MX2: variants seen among roughly 807,000 people sequenced by gnomAD.
MX2 encodes the protein MX dynamin like GTPase 2.
A neutral mutation model predicts 74.0 loss-of-function variants in MX2; 51 were observed. The observed-to-expected ratio is 0.69, with a 90% CI of 0.55 to 0.87. MX2 has a LOEUF of 0.87. Among genes scored for constraint, MX2 ranks in the 40% least tolerant of loss-of-function variants. The probability of loss-of-function intolerance (pLI) is 0.00; values close to 1 mark genes in which losing one functional copy is unlikely to be tolerated. For synonymous variants in MX2, 369 were observed against 339.3 expected, an observed-to-expected ratio of 1.09 and a Z score of -0.96; for missense variants, 832 against 908.7, an observed-to-expected ratio of 0.92 and a Z score of 1.09.
intron 5 of MX2, chr21:41,390,352 CG>C (rs1416325863): frequency 3.5e-6 from 2 of 568,406 alleles, no homozygotes; most frequent in Non-Finnish European, 6.3e-6. Context: ...ACATGCCAGC[CG>C]TGGGCTTTGA....
chr21:41,399,347 G>A lies in MX2; in HGVS notation c.1414+10G>A. 6.2e-7 allele frequency: 1 copy of A among 1,612,550 alleles called. No individual in the cohort carries two copies. The highest frequency in any genetic ancestry group is 1.1e-5 in the South Asian group (1 of 90,940). On this transcript the variant is annotated intron_variant, in intron 10 of 13. Coordinates refer to ENST00000330714, the MANE Select transcript of MX2 (RefSeq NM_002463.2). The stretch of plus-strand genomic sequence containing the variant: ...ACTAATACCCAAAAAGGTAAGTTCT[G>A]GGCAGGGCTCCCTGCAAAACAGGGT...
In MX2 at chr21:41,408,237, G is replaced by A; in HGVS notation, c.*4G>A. ...CTCCAGCAAAGAGATCCACTGAAGG[G>A]CGGCGATGCCTGTGGTTGTTTTCTT... On this transcript the variant is annotated 3_prime_UTR_variant, in exon 14 of 14. Coordinates refer to ENST00000330714, the MANE Select transcript of MX2 (RefSeq NM_002463.2). 1 of 1,613,416 alleles carries A rather than the reference G, an allele frequency of 6.2e-7. No homozygotes were observed. Among genetic ancestry groups the A allele is most frequent in the Non-Finnish European group, 8.5e-7 (1 of 1,179,420 alleles).
At chr21:41,395,992 G>T (rs1471764740) in intron 7 of MX2, among the ~76,000 whole-genome samples, 1 of 152,180 alleles carries the variant, frequency 6.6e-6, no homozygotes, top group Non-Finnish European at 1.5e-5. Flanking sequence ...TTAAAAACTG[G>T]AATGTGTCAT....
rs1399955723 is a variant in MX2 at position 41,408,513 on chromosome 21, CG to C, written c.*281del. 14 of 387,380 alleles carry C rather than the reference CG, an allele frequency of 3.6e-5. No homozygotes were observed. The highest frequency in any genetic ancestry group is 2.9e-4 in the African/African-American group (14 of 48,744). The allele number at this position is 387,380 out of a possible 1,614,324, so 24.0% of individuals were successfully genotyped here. ...GTCCTAAGATACTGCTATCATTCTTCGCTAATTTGTATTTGTATTCCCTTCC... is the reference window on the plus strand; with the variant it reads ...GTCCTAAGATACTGCTATCATTCTTCCTAATTTGTATTTGTATTCCCTTCC... On this transcript the variant is annotated 3_prime_UTR_variant, in exon 14 of 14. Transcript: ENST00000330714.
At chr21:41,379,872 C>A (rs2089464116) in intron 3 of MX2, 145 bp from the exon 4 acceptor site, 2 of 1,017,468 alleles carry the variant, frequency 2.0e-6, no homozygotes, top group Non-Finnish European at 2.9e-6. Context: ...TCAGTCCAGA[C>A]CCCCTCACCT....
At chr21:41,393,548 C>T (rs1235173117) in intron 6 of MX2, among the ~76,000 whole-genome samples, 6 of 152,080 alleles carry the variant, frequency 3.9e-5, no homozygotes, top group Admixed American at 6.5e-5. Flanking sequence ...GGGTCGCTTC[C>T]GTCACTGGCC....
chr21:41,387,301 C>T (rs1293644084), intron 5 of MX2, among the ~76,000 whole-genome samples: 2 of 152,112 alleles, frequency 1.3e-5, no homozygotes, highest in Non-Finnish European at 1.5e-5. Context: ...ATGTGAAAGC[C>T]GATTAATGCT....
intron 1 of MX2, among the ~76,000 whole-genome samples, chr21:41,372,534 T>A (rs1054450598): frequency 6.6e-6 from 1 of 152,250 alleles, no homozygotes; most frequent in Non-Finnish European, 1.5e-5. Flanking sequence ...AGCTATTTTT[T>A]TTTAACATGA....
Position 41,408,377 on chromosome 21 carries a change from C to A in MX2, c.*144C>A. 8.7e-7 allele frequency: 1 copy of A among 1,148,110 alleles called. No homozygotes were observed. The highest frequency in any genetic ancestry group is 1.2e-6 in the Non-Finnish European group (1 of 828,186). The allele number at this position is 1,148,110 out of a possible 1,614,324, so 71.1% of individuals were successfully genotyped here. A position where few individuals can be genotyped will look rare whatever the true frequency, so the allele number is the denominator to read the frequency against. ...CTACTGTACTCCCTCAGCATCAGAG[C>A]ATGCATCAGGGGTCCACACAGGCTC... On this transcript the variant is annotated 3_prime_UTR_variant, in exon 14 of 14. Transcript: ENST00000330714.
At position 41,388,423 on chromosome 21, in the gene MX2, C is replaced by T. The variant is rs533982509; in HGVS notation, c.733-2142C>T. On this transcript the variant is annotated intron_variant, in intron 5 of 13. Transcript: ENST00000330714. This position sits in a 1 kb window ranked among gnomAD's most constrained non-coding sequence, Gnocchi z 4.0. ...CCGGTGCTCTGCCCGCATGGCTCTC[C>T]GCAGAGGGCATCCTTCATTCCTCGC... 1.3e-5 allele frequency among the ~76,000 whole-genome samples: 2 copies of T among 152,334 alleles called. No individual in the cohort carries two copies. Among genetic ancestry groups the T allele is most frequent in the South Asian group, 2.1e-4 (1 of 4,828 alleles).
Position 41,403,111 on chromosome 21 carries a change from C to A in MX2, c.1574-156C>A, listed in dbSNP as rs1601433755. ...GTGTGGCCCTGGAATGATGTCCCAC[C>A]CTCTCCTATCGCGGTTTGCAGGTCT... On this transcript the variant is annotated intron_variant, in intron 11 of 13. Transcript: ENST00000330714. The A allele has an allele frequency of 8.2e-6, 5 of 608,308 alleles. No individual in the cohort carries two copies. The Middle Eastern group carries it at 1.8e-3, about 219-fold the overall frequency. 37.7% of individuals were successfully genotyped at this position (608,308 alleles called of 1,614,324 possible).
chr21:41,385,150 A>G (rs1213404809), intron 5 of MX2, among the ~76,000 whole-genome samples: 6 of 152,196 alleles, frequency 3.9e-5, no homozygotes, highest in Admixed American at 3.9e-4. Flanking sequence ...TTTGTATTCA[A>G]CACTTAGCTA....
chr21:41,397,646 C>G lies in MX2; in HGVS notation c.1104C>G (p.Pro368=). 3 of 1,614,096 alleles carry G rather than the reference C, an allele frequency of 1.9e-6. No homozygotes were observed. In the South Asian group the frequency reaches 3.3e-5, roughly 18 times the overall value. Residue 368 remains proline, a synonymous_variant, in exon 8 of 14, where the codon CCC becomes CCG. Transcript: ENST00000330714. The stretch of plus-strand genomic sequence containing the variant: ...TGGAGGAGGGGTCAGCCACGGTTCC[C>G]CGACTGGCAGAAAGACTTACCACTG... ...VLLEEGSATV[P]RLAERLTTEL...
intron 4 of MX2, 50 bp from the exon 5 acceptor site, chr21:41,382,360 C>T: frequency 1.3e-6 from 2 of 1,584,520 alleles, no homozygotes; most frequent in Non-Finnish European, 1.7e-6. Context: ...TGCTTCCTCA[C>T]AGGGATCATT....
At chr21:41,399,509 C>T (rs2089782659) in intron 10 of MX2, 172 bp downstream of exon 10, 4 of 612,692 alleles carry the variant, frequency 6.5e-6, no homozygotes, top group South Asian at 2.2e-5. Context: ...TATGGGGCAT[C>T]GACCTCAGCA....
chr21:41,395,954 G>A lies in MX2; in HGVS notation c.1070+169G>A, dbSNP rs1218509451. Among the ~76,000 whole-genome samples the A allele has an allele frequency of 2.6e-5, 4 of 152,158 alleles. No individual in the cohort carries two copies. The East Asian group carries it at 7.7e-4, about 29-fold the overall frequency. On this transcript the variant is annotated intron_variant, in intron 7 of 13. Coordinates refer to ENST00000330714, the MANE Select transcript of MX2 (RefSeq NM_002463.2). ...TCTTGGCTTATTTAGACAAATTATT[G>A]TTTCTTAGATTCCAATGATGGTGCT...
Position 41,402,136 on chromosome 21 carries a change from C to CT in MX2, c.1573+11dup. ...TGCTCCAGAAAGCCATGGGTGAGGACTTTCAAGCAGGACTCCCAAACCATC... is the reference window on the plus strand; with the variant it reads ...TGCTCCAGAAAGCCATGGGTGAGGACTTTTCAAGCAGGACTCCCAAACCATC... On this transcript the variant is annotated intron_variant, in intron 11 of 13. Coordinates refer to ENST00000330714, the MANE Select transcript of MX2 (RefSeq NM_002463.2). This position sits in a 1 kb window ranked among gnomAD's most constrained non-coding sequence, Gnocchi z 4.5. 2 of 1,609,570 alleles carry CT rather than the reference C, an allele frequency of 1.2e-6. No homozygotes were observed. The highest frequency in any genetic ancestry group is 1.7e-6 in the Non-Finnish European group (2 of 1,178,278).
intron 1 of MX2, among the ~76,000 whole-genome samples, chr21:41,362,804 G>A (rs1037148641): frequency 1.4e-5 from 2 of 138,136 alleles, no homozygotes; most frequent in Non-Finnish European, 3.0e-5. Flanking sequence ...TGTTCCCCAG[G>A]CTGGAGTGCA....
In MX2 at chr21:41,408,257, T is replaced by C. The variant is rs149405857; in HGVS notation, c.*24T>C. 5.4e-4 allele frequency: 867 copies of C among 1,611,886 alleles called. 4 individuals carry two copies. The Middle Eastern group carries it at 0.01, about 19-fold the overall frequency. ...GAAGGGCGGCGATGCCTGTGGTTGT[T>C]TTCTTGTGCGTACTCATTCATTCTA... On this transcript the variant is annotated 3_prime_UTR_variant, in exon 14 of 14. Coordinates refer to ENST00000330714, the MANE Select transcript of MX2 (RefSeq NM_002463.2).
Sources: allele counts gnomAD v4.1 joint callset (sites outside exome capture counted in the v4.1 genomes callset), GRCh38; gene constraint gnomAD v4.1.1; non-coding constraint Gnocchi (gnomAD v3.1); transcripts MANE v1.5; gene names NCBI Gene and HGNC (gene_info 2026-07-23, HGNC 2026-07-21).